The following LRIF1 variants were observed in gnomAD, a reference collection of about 807,000 sequenced individuals.
The protein encoded by LRIF1 is ligand-dependent nuclear receptor-interacting factor 1.
Under a neutral mutation model 52.7 loss-of-function variants are expected in LRIF1, and 32 were observed. The observed-to-expected ratio is 0.61, with a 90% CI of 0.46 to 0.82. The LOEUF (loss-of-function observed/expected upper bound fraction) is 0.82. LRIF1 is among the 40% of genes least tolerant of loss of function. The pLI, the probability that LRIF1 is intolerant of heterozygous loss-of-function variation, is 0.00. For synonymous variants in LRIF1, 323 were observed against 317.4 expected (o/e 1.02, Z -0.19); for missense variants, 887 against 892.0 (o/e 0.99, Z 0.07).
rs531189331 is a variant in LRIF1, at chr1:110,958,019, T to G, written c.69-5204A>C. 2.6e-5 allele frequency among the ~76,000 whole-genome samples: 4 copies of G among 152,330 alleles called. No homozygotes were observed. In the East Asian group the frequency reaches 7.7e-4, roughly 29 times the overall value. Reference sequence around the variant, plus strand: ...TATTTTGCTGATGTTGTTTTTCTGATTGCAGCCACTATTGACTATTATGTA... The same window carrying G: ...TATTTTGCTGATGTTGTTTTTCTGAGTGCAGCCACTATTGACTATTATGTA... On this transcript the variant is annotated intron_variant, in intron 1 of 3. Coordinates refer to ENST00000369763, the MANE Select transcript of LRIF1 (RefSeq NM_018372.4).
chr1:110,919,493 G>A, the LRIF1 span, among the ~76,000 whole-genome samples: 5 of 152,140 alleles, frequency 3.3e-5, no homozygotes, highest in African/African-American at 1.2e-4. Context: ...GTGGGAACTT[G>A]TGATCGTGTA....
chr1:110,895,311 G>A, the LRIF1 span, among the ~76,000 whole-genome samples: 1 of 152,174 alleles, frequency 6.6e-6, no homozygotes, highest in Non-Finnish European at 1.5e-5. Flanking sequence ...ATGTGAAGAA[G>A]ACCCAAACAC....
the LRIF1 span, among the ~76,000 whole-genome samples, chr1:110,911,962 T>C: frequency 6.6e-6 from 1 of 152,154 alleles, no homozygotes; most frequent in South Asian, 2.1e-4. Context: ...GGATGCCCAC[T>C]CTTACCACTC....
chr1:110,921,592 C>T, the LRIF1 span, among the ~76,000 whole-genome samples: 1 of 151,900 alleles, frequency 6.6e-6, no homozygotes, highest in Non-Finnish European at 1.5e-5. Context: ...CTTCAAGTCA[C>T]CAAAATAATA....
At chr1:110,927,574 G>A in the LRIF1 span, among the ~76,000 whole-genome samples, 2 of 152,120 alleles carry the variant, frequency 1.3e-5, no homozygotes, top group South Asian at 2.1e-4. Context: ...AGTAAGAGAA[G>A]CTGAAGAAAG....
the LRIF1 span, among the ~76,000 whole-genome samples, chr1:110,903,744 G>A: frequency 6.6e-5 from 10 of 152,292 alleles, no homozygotes; most frequent in South Asian, 1.5e-3. Flanking sequence ...TGAGAAAAGC[G>A]GAGGGAAAAG....
intron 1 of LRIF1, among the ~76,000 whole-genome samples, chr1:110,956,471 G>C (rs1557842030): frequency 6.6e-6 from 1 of 152,158 alleles, no homozygotes; most frequent in African/African-American, 2.4e-5. Flanking sequence ...CTAAAGTATA[G>C]GGATAAAATA....
chr1:110,952,783 G>C lies in LRIF1; in HGVS notation c.101C>G (p.Thr34Arg), dbSNP rs772163079. 34 of 1,610,690 alleles carry C rather than the reference G, an allele frequency of 2.1e-5. No individual in the cohort carries two copies. Among genetic ancestry groups the C allele is most frequent in the Middle Eastern group, 1.7e-4 (1 of 6,052 alleles). Reference protein sequence around the residue: ...VSGCMYQVVQTIGSDGKNLLQ... With the variant: ...VSGCMYQVVQRIGSDGKNLLQ... ...AAGATTTTTTCCATCCGAGCCAATC[G>C]TCTGAACTACTTGGTACATGCAGCC... The change falls in exon 2 of 4, where the codon ACG becomes AGG. Residue 34 changes from threonine to arginine, a missense_variant. Coordinates refer to ENST00000369763, the MANE Select transcript of LRIF1 (RefSeq NM_018372.4).
At chr1:110,937,115 C>T in the LRIF1 span, 1 of 152,014 alleles carries the variant, frequency 6.6e-6, no homozygotes, top group Non-Finnish European at 1.5e-5. Flanking sequence ...GGGATAGACC[C>T]TAATACAATA....
At chr1:110,961,607 A>G (rs1336420587) in intron 1 of LRIF1, among the ~76,000 whole-genome samples, 1 of 152,216 alleles carries the variant, frequency 6.6e-6, no homozygotes, top group African/African-American at 2.4e-5. Context: ...ATTCTGTATT[A>G]TGCTACTGAA....
the LRIF1 span, among the ~76,000 whole-genome samples, chr1:110,928,335 C>T: frequency 6.6e-6 from 1 of 152,162 alleles, no homozygotes; most frequent in Admixed American, 6.5e-5. Flanking sequence ...GATCCAATGA[C>T]GCATGAAAAG....
At chr1:110,922,908 CGT>C in the LRIF1 span, among the ~76,000 whole-genome samples, 1 of 152,192 alleles carries the variant, frequency 6.6e-6, no homozygotes, top group Non-Finnish European at 1.5e-5. Flanking sequence ...CTGCTTCCAT[CGT>C]AACATTGCCT....
chr1:110,901,335 G>A, the LRIF1 span, among the ~76,000 whole-genome samples: 2 of 151,790 alleles, frequency 1.3e-5, no homozygotes, highest in Admixed American at 6.6e-5. Context: ...ACGCCACCAC[G>A]CCTGGCTAAT....
At chr1:110,912,623 G>A in the LRIF1 span, among the ~76,000 whole-genome samples, 10 of 152,224 alleles carry the variant, frequency 6.6e-5, no homozygotes, top group South Asian at 2.1e-4. Context: ...AGCTAACCAC[G>A]GAGGTGAAAG....
intron 1 of LRIF1, among the ~76,000 whole-genome samples, chr1:110,956,352 G>A (rs187461420): frequency 6.6e-6 from 1 of 152,018 alleles, no homozygotes; most frequent in Non-Finnish European, 1.5e-5. Flanking sequence ...GCATCAGGAA[G>A]GTGCAACAAA....
the LRIF1 span, among the ~76,000 whole-genome samples, chr1:110,924,550 G>A: frequency 4.6e-5 from 7 of 152,066 alleles, no homozygotes; most frequent in South Asian, 2.1e-4. Context: ...ATCAGATCTC[G>A]TGAGAACTCA....
the LRIF1 span, among the ~76,000 whole-genome samples, chr1:110,917,140 G>C: frequency 6.6e-6 from 1 of 152,202 alleles, no homozygotes; most frequent in Non-Finnish European, 1.5e-5. Context: ...TCCTGAGCCA[G>C]AGTTATGTTT....
the LRIF1 span, among the ~76,000 whole-genome samples, chr1:110,914,284 G>C: frequency 6.6e-6 from 1 of 151,854 alleles, no homozygotes; most frequent in Non-Finnish European, 1.5e-5. Context: ...ACAAACCTGC[G>C]CATGTATCCC....
Position 110,951,757 on chromosome 1 carries a change from G to A in LRIF1, c.1127C>T (p.Pro376Leu). ...AGAATTCTGTTGGTCAATTTGTGAT[G>A]GCAGAACATCTGTCCCCTTTTTAGC... ...LLAKKGTDVL[P>L]SQIDQQNSVS... The change falls in exon 2 of 4, where the codon CCA (proline) becomes CTA (leucine). Residue 376 changes from proline (P) to leucine (L), a missense_variant. Pro to Leu is a moderately conservative substitution (Grantham distance 98). Coordinates refer to ENST00000369763, the MANE Select transcript of LRIF1 (RefSeq NM_018372.4). 1.2e-6 allele frequency: 2 copies of A among 1,613,172 alleles called. No individual in the cohort carries two copies. Among genetic ancestry groups the A allele is most frequent in the Non-Finnish European group, 1.7e-6 (2 of 1,179,986 alleles).
Sources: gnomAD v4.1 joint callset for allele counts (sites outside exome capture counted in the v4.1 genomes callset) on GRCh38, gnomAD v4.1.1 for gene constraint, MANE v1.5 for transcripts, NCBI Gene and HGNC (gene_info 2026-07-23, HGNC 2026-07-21) for gene names.